CNBD1: variants seen among roughly 807,000 people sequenced by gnomAD.
The protein encoded by CNBD1 is cyclic nucleotide binding domain containing 1, also known as cyclic nucleotide-binding domain-containing protein 1.
In CNBD1, 71 loss-of-function variants were observed where a neutral mutation model predicts 54.4. The ratio of observed to expected loss-of-function variants is 1.30; its 90% CI spans 1.08 to 1.59. The LOEUF (loss-of-function observed/expected upper bound fraction) is 1.59. CNBD1 is among the 40% of genes most tolerant of loss of function. CNBD1 has a pLI of 0.00. For synonymous variants in CNBD1, 182 were observed against 170.7 expected, an observed-to-expected ratio of 1.07 and a Z score of -0.51; for missense variants, 659 against 518.0, an observed-to-expected ratio of 1.27 and a Z score of -2.64.
chr8:86,991,455 T>C (rs773754843), intron 4 of CNBD1, among the ~76,000 whole-genome samples: 1 of 152,038 alleles, frequency 6.6e-6, no homozygotes, highest in East Asian at 1.9e-4. Flanking sequence ...TTCATTCTGT[T>C]GAAGAACCAC....
chr8:87,408,230 G>A (rs1381101102), intron 2 of CNBD1, among the ~76,000 whole-genome samples: 1 of 151,750 alleles, frequency 6.6e-6, no homozygotes, highest in Non-Finnish European at 1.5e-5. Context: ...ATAATTCTAT[G>A]TTTGTCAGAC....
chr8:87,164,466 C>A (rs1812920604), intron 4 of CNBD1, among the ~76,000 whole-genome samples: 1 of 151,568 alleles, frequency 6.6e-6, no homozygotes, highest in African/African-American at 2.4e-5. Flanking sequence ...GAGTCAATTT[C>A]TTTACTCATT....
At chr8:87,083,278 A>G (rs1811032184) in intron 4 of CNBD1, among the ~76,000 whole-genome samples, 1 of 152,216 alleles carries the variant, frequency 6.6e-6, no homozygotes, top group East Asian at 1.9e-4. Context: ...CTCTATTAAC[A>G]TAGCTAGATC....
At chr8:87,127,702 A>G (rs1347586546) in intron 4 of CNBD1, among the ~76,000 whole-genome samples, 3 of 152,186 alleles carry the variant, frequency 2.0e-5, no homozygotes, top group Non-Finnish European at 4.4e-5. Context: ...AGTGATGAGA[A>G]CAGACATTTG....
Position 87,300,861 on chromosome 8 carries a change from T to C in CNBD1, c.1042+14190T>C, listed in dbSNP as rs550689041. ...AAGAGGGACAACAAATAAAATCTTT[T>C]GTGAAGACTAAAAATTTCTTTTGTA... On this transcript the variant is annotated intron_variant, in intron 8 of 10. Transcript: ENST00000518476. 1.2e-3 allele frequency among the ~76,000 whole-genome samples: 186 copies of C among 152,228 alleles called. 1 individual carries two copies. Among genetic ancestry groups the C allele is most frequent in the Non-Finnish European group, 1.3e-3 (91 of 67,996 alleles).
At chr8:87,371,925 C>T (rs538055475) in intron 10 of CNBD1, among the ~76,000 whole-genome samples, 7,282 of 151,858 alleles carry the variant, frequency 0.048, 224 homozygotes, top group Non-Finnish European at 0.06. Flanking sequence ...TGAAAACTGG[C>T]ACAAGACAGG....
At chr8:87,226,072 G>T (rs1814480532) in intron 5 of CNBD1, among the ~76,000 whole-genome samples, 1 of 151,914 alleles carries the variant, frequency 6.6e-6, no homozygotes, top group Admixed American at 6.6e-5. Context: ...TATTTCTGTG[G>T]GATCGGTGGT....
At chr8:86,985,588 A>G (rs931609368) in intron 4 of CNBD1, among the ~76,000 whole-genome samples, 1 of 152,234 alleles carries the variant, frequency 6.6e-6, no homozygotes, top group African/African-American at 2.4e-5. Flanking sequence ...ATGGATGCAT[A>G]GTATTCCATG....
At chr8:87,411,427 TTTCATTCACAC>T (rs1807745491) in intron 2 of CNBD1, among the ~76,000 whole-genome samples, 6 of 140,864 alleles carry the variant, frequency 4.3e-5, no homozygotes, top group East Asian at 4.4e-4. Flanking sequence ...TATATATATA[TTTCATTCACAC>T]ATATTTTTAA....
chr8:87,389,212 A>T (rs1447622441), intron 2 of CNBD1, among the ~76,000 whole-genome samples: 1 of 152,170 alleles, frequency 6.6e-6, no homozygotes, highest in Admixed American at 6.5e-5. Flanking sequence ...GCCCTCTCTC[A>T]CCGCTGCTAT....
At chr8:87,277,667 G>A (rs1808511591) in intron 6 of CNBD1, among the ~76,000 whole-genome samples, 1 of 151,570 alleles carries the variant, frequency 6.6e-6, no homozygotes, top group Non-Finnish European at 1.5e-5. Flanking sequence ...CCAAAACACT[G>A]TCCTAAAGAC....
chr8:87,384,229 A>T (rs1811142149), downstream of CNBD1, among the ~76,000 whole-genome samples: 1 of 152,098 alleles, frequency 6.6e-6, no homozygotes, highest in South Asian at 2.1e-4. Flanking sequence ...TAGCCATTAG[A>T]TATTTTTAAG....
intron 4 of CNBD1, among the ~76,000 whole-genome samples, chr8:87,154,275 G>A (rs967250133): frequency 6.6e-6 from 1 of 152,152 alleles, no homozygotes; most frequent in Non-Finnish European, 1.5e-5. Flanking sequence ...AAAGCCAGAA[G>A]CTGCTAAAGA....
intron 4 of CNBD1, among the ~76,000 whole-genome samples, chr8:87,014,020 T>C (rs1386572533): frequency 6.6e-6 from 1 of 152,004 alleles, no homozygotes; most frequent in Non-Finnish European, 1.5e-5. Flanking sequence ...TATAAAATAC[T>C]TGTATCAGAA....
intron 10 of CNBD1, among the ~76,000 whole-genome samples, chr8:87,364,111 T>G (rs1586048440): frequency 6.6e-6 from 1 of 152,008 alleles, no homozygotes; most frequent in East Asian, 1.9e-4. Context: ...TATACTGTTT[T>G]GTTAATGAGA....
chr8:87,382,978 C>T (rs535510556), downstream of CNBD1: 4 of 169,626 alleles, frequency 2.4e-5, no homozygotes, highest in Admixed American at 1.3e-4. Context: ...TGGAAACATA[C>T]TCCTCAAGTT....
At chr8:87,084,778 G>A (rs1314202419) in intron 4 of CNBD1, among the ~76,000 whole-genome samples, 1 of 151,922 alleles carries the variant, frequency 6.6e-6, no homozygotes, top group Non-Finnish European at 1.5e-5. Flanking sequence ...CCAGGTTCAA[G>A]GGATTCTCCT....
chr8:87,180,709 C>T (rs1813294303), intron 4 of CNBD1, among the ~76,000 whole-genome samples: 1 of 152,112 alleles, frequency 6.6e-6, no homozygotes, highest in East Asian at 1.9e-4. Context: ...GAAACCTACC[C>T]CTTATTCCAC....
At chr8:87,227,921 T>C (rs1814544157) in intron 5 of CNBD1, among the ~76,000 whole-genome samples, 1 of 148,896 alleles carries the variant, frequency 6.7e-6, no homozygotes, top group Admixed American at 6.7e-5. Flanking sequence ...CCCATATTTC[T>C]TGGAGGCTTT....
Sources: gnomAD v4.1 joint callset for allele counts (sites outside exome capture counted in the v4.1 genomes callset) on GRCh38, gnomAD v4.1.1 for gene constraint, MANE v1.5 for transcripts, NCBI Gene and HGNC (gene_info 2026-07-23, HGNC 2026-07-21) for gene names.